The following MRPS25 variants were observed in gnomAD, a reference collection of about 807,000 sequenced individuals.
MRPS25 encodes small ribosomal subunit protein mS25.
A neutral mutation model predicts 17.3 loss-of-function variants in MRPS25; 15 were observed. The observed-to-expected ratio is 0.87, with a 90% CI of 0.58 to 1.34. The LOEUF (loss-of-function observed/expected upper bound fraction) is 1.34, where lower values mean the gene tolerates loss of function less well. Ranked by LOEUF, MRPS25 falls within the 40% of genes most tolerant of loss-of-function variation. The pLI, the probability that MRPS25 is intolerant of heterozygous loss-of-function variation, is 0.00. For synonymous variants in MRPS25, 94 were observed against 83.3 expected (o/e 1.13, Z -0.70); for missense variants, 225 against 218.6 (o/e 1.03, Z -0.19).
chr3:15,053,563 A>AG lies in MRPS25; in HGVS notation c.242-97_242-96insC, dbSNP rs1559327183. On this transcript the variant is annotated intron_variant, in intron 2 of 3. Coordinates refer to ENST00000253686, the MANE Select transcript of MRPS25 (RefSeq NM_022497.5). ...TTGGGACTTGCTTTTAGTGGCAGAA[A>AG]CATTTTAATAATAAAATAGATATAC... 2.4e-6 allele frequency: 3 copies of AG among 1,273,106 alleles called. No individual in the cohort carries two copies. The South Asian group carries it at 3.7e-5, about 16-fold the overall frequency. The allele number at this position is 1,273,106 out of a possible 1,614,324, so 78.9% of individuals were successfully genotyped here.
At chr3:15,063,701 A>T (rs879530061) in intron 1 of MRPS25, among the ~76,000 whole-genome samples, 2 of 152,098 alleles carry the variant, frequency 1.3e-5, no homozygotes, top group Non-Finnish European at 2.9e-5. Flanking sequence ...AAAGCCAGAG[A>T]TTTACATAAA....
In MRPS25 at chr3:15,065,185, T is replaced by G; in HGVS notation, c.10A>C (p.Lys4Gln). Residue 4 changes from lysine to glutamine, a missense_variant, in exon 1 of 4, where the codon AAG becomes CAG. Physicochemically the swap from Lys to Gln is moderately conservative, Grantham distance 53. Transcript: ENST00000253686. MPMKGRFPIRRTLQ... is the reference protein window; with the variant it reads MPMQGRFPIRRTLQ... ...GTGCGGCGGATGGGGAAGCGGCCCTTCATGGGCATGGCGGCAACGGTGGCG... is the reference window on the plus strand; with the variant it reads ...GTGCGGCGGATGGGGAAGCGGCCCTGCATGGGCATGGCGGCAACGGTGGCG... 6.2e-7 allele frequency: 1 copy of G among 1,601,358 alleles called. No individual in the cohort carries two copies. The highest frequency in any genetic ancestry group is 1.1e-5 in the South Asian group (1 of 89,096).
intron 1 of MRPS25, among the ~76,000 whole-genome samples, chr3:15,062,433 G>A (rs866370589): frequency 1.0e-4 from 3 of 28,720 alleles, no homozygotes; most frequent in Non-Finnish European, 1.8e-4. Context: ...CGCCCCATCC[G>A]GGAGGGAGGT....
chr3:15,062,483 A>T (rs866705304), intron 1 of MRPS25, among the ~76,000 whole-genome samples: 1 of 131,844 alleles, frequency 7.6e-6, no homozygotes, highest in Non-Finnish European at 1.6e-5. Context: ...CGCCCCGTCC[A>T]GGAGGTGAGG....
chr3:15,061,874 G>A (rs540764532), intron 1 of MRPS25, among the ~76,000 whole-genome samples: 1 of 151,368 alleles, frequency 6.6e-6, no homozygotes, highest in African/African-American at 2.4e-5. Context: ...CACCCCGTCT[G>A]AGAAGGGAGG....
intron 1 of MRPS25, among the ~76,000 whole-genome samples, chr3:15,061,785 G>A (rs576296056): frequency 1.3e-5 from 2 of 150,088 alleles, no homozygotes; most frequent in African/African-American, 4.9e-5. Flanking sequence ...CCTTTGCCCC[G>A]CCGCCCCATC....
In MRPS25 at chr3:15,050,720, G is replaced by A. The variant is rs1469185999; in HGVS notation, c.*1721C>T. On this transcript the variant is annotated 3_prime_UTR_variant, in exon 4 of 4. Coordinates refer to ENST00000253686, the MANE Select transcript of MRPS25 (RefSeq NM_022497.5). ...AATTAAACACTCCCTTTGTAAGTCT[G>A]TCACTCAAGGAACACCTGTCCATTA... The A allele has an allele frequency of 1.0e-6, 1 of 980,040 alleles. No homozygotes were observed. The highest frequency in any genetic ancestry group is 1.1e-4 in the East Asian group (1 of 8,828). 60.7% of individuals were successfully genotyped at this position (980,040 alleles called of 1,614,324 possible). A position where few individuals can be genotyped will look rare whatever the true frequency, so the allele number is the denominator to read the frequency against.
Position 15,050,101 on chromosome 3 carries a change from T to C in MRPS25, c.*2340A>G, listed in dbSNP as rs904896986. ...CATCTTTCATCACTACTAAACAAAA[T>C]AGGGAAAGACAAAGGTTTAAAGAGA... On this transcript the variant is annotated 3_prime_UTR_variant, in exon 4 of 4. Transcript: ENST00000253686. 2.9e-6 allele frequency: 4 copies of C among 1,396,580 alleles called. No individual in the cohort carries two copies. Among genetic ancestry groups the C allele is most frequent in the South Asian group, 3.4e-5 (2 of 59,632 alleles). The allele number at this position is 1,396,580 out of a possible 1,614,324, so 86.5% of individuals were successfully genotyped here. A position where few individuals can be genotyped will look rare whatever the true frequency, so the allele number is the denominator to read the frequency against.
At position 15,065,231 on chromosome 3, in the gene MRPS25, G is replaced by A. The variant is rs1243080432; in HGVS notation, c.-37C>T. 3.2e-6 allele frequency: 5 copies of A among 1,554,848 alleles called. No individual in the cohort carries two copies. The highest frequency in any genetic ancestry group is 1.9e-5 in the Admixed American group (1 of 52,282). On this transcript the variant is annotated 5_prime_UTR_variant, in exon 1 of 4. Coordinates refer to ENST00000253686, the MANE Select transcript of MRPS25 (RefSeq NM_022497.5). ...TGGCGGGGCCGACCCCACGGGCCGC[G>A]AGCCGAGCAGCGACGAGAAAGGACT... is the stretch of plus-strand genomic sequence containing the variant.
chr3:15,053,141 A>G (rs558652787), intron 3 of MRPS25: 2 of 873,914 alleles, frequency 2.3e-6, no homozygotes, highest in East Asian at 6.1e-5. Context: ...GTCCCCCGCA[A>G]GAGGGAGAGA....
At position 15,048,774 on chromosome 3, in the gene MRPS25, T is replaced by G. The variant is rs2042544140; in HGVS notation, c.*3667A>C. The G allele has an allele frequency of 6.6e-6, 1 of 152,650 alleles. No individual in the cohort carries two copies. Among genetic ancestry groups the G allele is most frequent in the Admixed American group, 6.5e-5 (1 of 15,284 alleles). 9.5% of individuals were successfully genotyped at this position (152,650 alleles called of 1,614,324 possible). On this transcript the variant is annotated 3_prime_UTR_variant, in exon 4 of 4. Transcript: ENST00000253686. ...TCAACTAGTTTTATAACTGAAAAGC[T>G]GCACATTTTTCACAGTACAAGCCGT...
chr3:15,060,855 T>C (rs2042743642), intron 1 of MRPS25, among the ~76,000 whole-genome samples: 1 of 151,928 alleles, frequency 6.6e-6, no homozygotes, highest in Non-Finnish European at 1.5e-5. Context: ...CACTCTAGCC[T>C]GGGTGACAGA....
Position 15,049,910 on chromosome 3 carries a change from G to A in MRPS25, c.*2531C>T. On this transcript the variant is annotated 3_prime_UTR_variant, in exon 4 of 4. Coordinates refer to ENST00000253686, the MANE Select transcript of MRPS25 (RefSeq NM_022497.5). ...ACTGGGACCACAGCAGATGATACAG[G>A]TTTAGATGGTGCTGCCAGGTAGTGC... The A allele has an allele frequency of 1.2e-5, 18 of 1,532,758 alleles. No homozygotes were observed. Among genetic ancestry groups the A allele is most frequent in the Non-Finnish European group, 1.5e-5 (17 of 1,145,392 alleles). 94.9% of individuals were successfully genotyped at this position (1,532,758 alleles called of 1,614,324 possible).
At chr3:15,047,624 G>A (rs542036821), downstream of MRPS25, 8 of 152,306 alleles carry the variant, frequency 5.3e-5, no homozygotes, top group African/African-American at 1.7e-4. Flanking sequence ...CCAGGCTTGC[G>A]CTGTGCTCAG....
chr3:15,064,584 T>TCA (rs1385427152), intron 1 of MRPS25, among the ~76,000 whole-genome samples: 1 of 152,234 alleles, frequency 6.6e-6, no homozygotes, highest in East Asian at 1.9e-4. Context: ...CTGGGGTTTC[T>TCA]CTAGGCATCA....
chr3:15,063,295 G>A (rs1179295666), intron 1 of MRPS25, among the ~76,000 whole-genome samples: 2 of 152,186 alleles, frequency 1.3e-5, no homozygotes, highest in African/African-American at 2.4e-5. Flanking sequence ...CTTGTTCAGG[G>A]TAGAACACCT....
intron 1 of MRPS25, 60 bp downstream of exon 1, chr3:15,065,001 C>T: frequency 6.4e-7 from 1 of 1,551,686 alleles, no homozygotes; most frequent in South Asian, 1.2e-5. Flanking sequence ...CCTCACGTTA[C>T]CAGCAGGCTG....
In MRPS25 at chr3:15,049,165, A is replaced by T. The variant is rs2042560190; in HGVS notation, c.*3276T>A. On this transcript the variant is annotated 3_prime_UTR_variant, in exon 4 of 4. Transcript: ENST00000253686. The stretch of plus-strand genomic sequence containing the variant: ...GTATATAGAGTATTGCAGTGCATGA[A>T]TTAGCTTTATGCATTTTATTAAATG... 6.6e-6 allele frequency: 1 copy of T among 152,650 alleles called. No individual in the cohort carries two copies. The allele number at this position is 152,650 out of a possible 1,614,324, so 9.5% of individuals were successfully genotyped here.
At chr3:15,043,211 C>T (rs1481836059), downstream of MRPS25, 3 of 399,206 alleles carry the variant, frequency 7.5e-6, no homozygotes, top group African/African-American at 6.2e-5. Context: ...GTTTTAATGC[C>T]TTTTGATGAA....
Sources: gnomAD v4.1 joint callset for allele counts (sites outside exome capture counted in the v4.1 genomes callset) on GRCh38, gnomAD v4.1.1 for gene constraint, MANE v1.5 for transcripts, NCBI Gene and HGNC (gene_info 2026-07-23, HGNC 2026-07-21) for gene names.